ELAPOR2: variants seen among roughly 807,000 people sequenced by gnomAD.
The protein encoded by ELAPOR2 is endosome/lysosome-associated apoptosis and autophagy regulator family member 2.
ELAPOR2 carries 89 observed loss-of-function variants against 120.7 expected under a neutral mutation model. The observed-to-expected ratio is 0.74, with a 90% CI of 0.62 to 0.88. The LOEUF (loss-of-function observed/expected upper bound fraction) is 0.88. Ranked by LOEUF, ELAPOR2 falls within the 40% of genes least tolerant of loss-of-function variation. ELAPOR2 has a pLI of 0.00. For missense variants in ELAPOR2, 1,134 were observed against 1,251.6 expected (o/e 0.91, Z 1.42); for synonymous variants, 444 against 444.9 (o/e 1.00, Z 0.03).
intron 15 of ELAPOR2, 95 bp downstream of exon 15, chr7:86,911,977 A>G: frequency 8.2e-7 from 1 of 1,222,674 alleles, no homozygotes; most frequent in Non-Finnish European, 1.2e-6. Context: ...CTTGGTTGAT[A>G]TCCATAGAGA....
chr7:86,980,098 A>G (rs1792414093), intron 1 of ELAPOR2, among the ~76,000 whole-genome samples: 3 of 152,214 alleles, frequency 2.0e-5, no homozygotes, highest in Admixed American at 6.5e-5. Flanking sequence ...AATTAAGTGG[A>G]TACACTTATA....
At chr7:86,983,420 T>C (rs994054749) in intron 1 of ELAPOR2, among the ~76,000 whole-genome samples, 1 of 151,380 alleles carries the variant, frequency 6.6e-6, no homozygotes, top group South Asian at 2.1e-4. Flanking sequence ...GGAAAAAATG[T>C]TAAGGGCAGC....
chr7:86,900,155 G>A (rs1372336194), intron 18 of ELAPOR2, among the ~76,000 whole-genome samples: 3 of 151,242 alleles, frequency 2.0e-5, no homozygotes, highest in African/African-American at 7.3e-5. Context: ...TTTGAGTAAG[G>A]AAATAAAAAA....
intron 1 of ELAPOR2, among the ~76,000 whole-genome samples, chr7:87,008,530 C>A (rs9886144): frequency 0.37 from 56,001 of 151,990 alleles, 10,958 homozygotes; most frequent in African/African-American, 0.49. Context: ...CAAAGAATGA[C>A]CTTGTTCTTA....
rs755932715 is a variant in ELAPOR2, at chr7:86,912,060, G to C, written c.2169+12C>G. On this transcript the variant is annotated intron_variant, in intron 15 of 21. Transcript: ENST00000450689. ...AATATAGGTCCATCTCACCTTGACA[G>C]CCAGAACTCACCTCATGCCCACATA... The C allele has an allele frequency of 4.6e-5, 74 of 1,594,572 alleles. No homozygotes were observed. Among genetic ancestry groups the C allele is most frequent in the Non-Finnish European group, 6.2e-5 (72 of 1,164,492 alleles).
rs772713064 is a variant in ELAPOR2 at position 86,912,143 on chromosome 7, T to C, written c.2098A>G (p.Asn700Asp). The C allele has an allele frequency of 1.2e-6, 2 of 1,613,084 alleles. No homozygotes were observed. Among genetic ancestry groups the C allele is most frequent in the Non-Finnish European group, 1.7e-6 (2 of 1,179,256 alleles). ...SNLSSVGSLM[N>D]GPSFTSKGTK... Reference sequence around the variant, plus strand: ...CCTTTGGAGGTGAAGCTGGGGCCATTCATTAATGAGCCCACACTGCTGAGG... The same window carrying C: ...CCTTTGGAGGTGAAGCTGGGGCCATCCATTAATGAGCCCACACTGCTGAGG... The change falls in exon 15 of 22, where the codon AAT becomes GAT. Residue 700 changes from asparagine (N) to aspartate (D), a missense_variant. Physicochemically the swap from Asn to Asp is conservative, Grantham distance 23. This residue lies in a region of ELAPOR2 where 831 missense variants were observed against 867.6 expected (regional missense o/e 0.96). Transcript: ENST00000450689.
At chr7:87,028,972 G>A (rs947068604) in intron 1 of ELAPOR2, among the ~76,000 whole-genome samples, 2 of 152,078 alleles carry the variant, frequency 1.3e-5, no homozygotes, top group African/African-American at 4.8e-5. Flanking sequence ...CCTCTTTCTG[G>A]AAGATCCTTC....
intron 21 of ELAPOR2, among the ~76,000 whole-genome samples, chr7:86,886,778 C>A (rs118122428): frequency 8.5e-4 from 130 of 152,226 alleles, no homozygotes; most frequent in South Asian, 2.1e-3. Context: ...GAAACTTTAT[C>A]CCCTACTCCA....
intron 10 of ELAPOR2, among the ~76,000 whole-genome samples, chr7:86,924,837 G>C (rs1437150545): frequency 2.0e-5 from 3 of 151,834 alleles, no homozygotes; most frequent in African/African-American, 7.3e-5. Flanking sequence ...ATAGAGAAAA[G>C]TGAGCAGATA....
intron 1 of ELAPOR2, among the ~76,000 whole-genome samples, chr7:86,984,458 A>G (rs1041842864): frequency 4.1e-4 from 62 of 152,348 alleles, no homozygotes; most frequent in African/African-American, 1.4e-3. Flanking sequence ...TGGCAAATGT[A>G]AAAGAACAGA....
intron 15 of ELAPOR2, 25 bp from the exon 16 acceptor site, chr7:86,910,026 A>T: frequency 6.4e-7 from 1 of 1,571,266 alleles, no homozygotes; most frequent in Non-Finnish European, 8.7e-7. Context: ...TCATAAAAGA[A>T]AGGTTTTATT....
At chr7:87,000,868 T>A (rs1044101172) in intron 1 of ELAPOR2, among the ~76,000 whole-genome samples, 5 of 152,138 alleles carry the variant, frequency 3.3e-5, no homozygotes, top group Non-Finnish European at 7.4e-5. Flanking sequence ...CAGAACAGAA[T>A]GAGACATTTA....
In ELAPOR2 at chr7:86,940,073, T is replaced by C. The variant is rs1185506654; in HGVS notation, c.784A>G (p.Thr262Ala). 6.2e-7 allele frequency: 1 copy of C among 1,612,566 alleles called. No individual in the cohort carries two copies. The highest frequency in any genetic ancestry group is 8.5e-7 in the Non-Finnish European group (1 of 1,178,998). Residue 262 changes from threonine to alanine, a missense_variant, in exon 6 of 22, where the codon ACA (threonine) becomes GCA (alanine). Physicochemically the swap from Thr to Ala is moderately conservative, Grantham distance 58. Around this residue, in one of 3 missense-constraint regions of ELAPOR2, gnomAD observed 280 missense variants for 331.5 expected, o/e 0.84. Coordinates refer to ENST00000450689, the MANE Select transcript of ELAPOR2 (RefSeq NM_001142749.3). ...SGTNILYWRT[T>A]GILMGSKAVK... ...GCCTTAGAACCCATAAGGATGCCTGTAGTTCTCCAGTAGAGTATGTTTGTG... is the reference window on the plus strand; with the variant it reads ...GCCTTAGAACCCATAAGGATGCCTGCAGTTCTCCAGTAGAGTATGTTTGTG...
intron 1 of ELAPOR2, among the ~76,000 whole-genome samples, chr7:87,049,271 AATTTT>A (rs1439693057): frequency 7.4e-6 from 1 of 134,426 alleles, no homozygotes; most frequent in Non-Finnish European, 1.6e-5. Context: ...AAGGGATTGA[AATTTT>A]ATTTTATTTA....
At chr7:86,882,389 GTGT>G in intron 21 of ELAPOR2, among the ~76,000 whole-genome samples, 1 of 152,230 alleles carries the variant, frequency 6.6e-6, no homozygotes, top group South Asian at 2.1e-4. Flanking sequence ...ATTCAACATG[GTGT>G]TGTGGTGAGG....
At position 86,893,021 on chromosome 7, in the gene ELAPOR2, T is replaced by A. The variant is rs1431867943; in HGVS notation, c.2765A>T (p.Glu922Val). 5 of 1,589,672 alleles carry A rather than the reference T, an allele frequency of 3.1e-6. No homozygotes were observed. In the South Asian group the frequency reaches 5.8e-5, roughly 18 times the overall value. Residue 922 changes from glutamate (E) to valine (V), a missense_variant, in exon 20 of 22, where the codon GAA (glutamate) becomes GTA (valine). Around this residue, in one of 3 missense-constraint regions of ELAPOR2, gnomAD observed 831 missense variants for 867.6 expected, o/e 0.96. Coordinates refer to ENST00000450689, the MANE Select transcript of ELAPOR2 (RefSeq NM_001142749.3). The stretch of plus-strand genomic sequence containing the variant: ...CACCTTCAGCCAAAAGTCAACCGTT[T>A]CACAGGTTGCCAACTTTTTCTCAGG... ...SLPEKKLATC[E>V]TVDFWLKVGA...
chr7:86,927,562 CT>C (rs1014848121), intron 8 of ELAPOR2, among the ~76,000 whole-genome samples: 2 of 151,862 alleles, frequency 1.3e-5, no homozygotes, highest in Non-Finnish European at 2.9e-5. Context: ...GGAGAGCAGT[CT>C]TTTAAACTCT....
rs1799301745 is a variant in ELAPOR2 at position 86,879,537 on chromosome 7, T to C, written c.*934A>G. 1 of 152,172 alleles carries C rather than the reference T, an allele frequency of 6.6e-6. No individual in the cohort carries two copies. The highest frequency in any genetic ancestry group is 6.6e-5 in the Admixed American group (1 of 15,258). 9.4% of individuals were successfully genotyped at this position (152,172 alleles called of 1,614,324 possible). On this transcript the variant is annotated 3_prime_UTR_variant, in exon 22 of 22. Transcript: ENST00000450689. The stretch of plus-strand genomic sequence containing the variant: ...GCTTGACAAAGAACAAAAGTCCCAC[T>C]GACATTTTCTGGAGACCATGAAATT...
chr7:86,928,045 C>T lies in ELAPOR2; in HGVS notation c.1090-1129G>A, dbSNP rs539649838. Among the ~76,000 whole-genome samples the T allele has an allele frequency of 1.0e-3, 158 of 151,966 alleles. 1 individual carries two copies. Among genetic ancestry groups the T allele is most frequent in the Non-Finnish European group, 1.8e-3 (119 of 67,956 alleles). On this transcript the variant is annotated intron_variant, in intron 8 of 21. Coordinates refer to ENST00000450689, the MANE Select transcript of ELAPOR2 (RefSeq NM_001142749.3). ...GTATTCTTATGGAAGAGTAGATTAACTTATCTGAAGAAGGAGGCTTAAGAA... is the reference window on the plus strand; with the variant it reads ...GTATTCTTATGGAAGAGTAGATTAATTTATCTGAAGAAGGAGGCTTAAGAA...
Sources: allele counts gnomAD v4.1 joint callset (sites outside exome capture counted in the v4.1 genomes callset), GRCh38; gene constraint gnomAD v4.1.1; regional missense constraint gnomAD v4.1.1; transcripts MANE v1.5; gene names NCBI Gene and HGNC (gene_info 2026-07-23, HGNC 2026-07-21).